Variants in KCNC4 observed in about 807,000 individuals in gnomAD.
KCNC4 encodes voltage-gated potassium channel KCNC4.
Under a neutral mutation model 42.8 loss-of-function variants are expected in KCNC4, and 23 were observed. The ratio of observed to expected loss-of-function variants is 0.54; its 90% CI spans 0.39 to 0.76. KCNC4 has a LOEUF of 0.76. Ranked by LOEUF, KCNC4 falls within the 30% of genes least tolerant of loss-of-function variation. KCNC4 has a pLI of 0.00. For missense variants in KCNC4, 751 were observed against 898.2 expected, an observed-to-expected ratio of 0.84 and a Z score of 2.10; for synonymous variants, 422 against 393.5, an observed-to-expected ratio of 1.07 and a Z score of -0.86.
Position 110,211,601 on chromosome 1 carries a change from G to T in KCNC4, c.102G>T (p.Ala34=). Residue 34 remains alanine (A), a synonymous_variant, in exon 1 of 4, where the codon GCG becomes GCT. Transcript: ENST00000438661. This position sits in a 1 kb window ranked among gnomAD's most constrained non-coding sequence, Gnocchi z 6.5. The stretch of plus-strand genomic sequence containing the variant: ...AGGAGGAGATGGCCAAGGGCGAGGC[G>T]TCGGAGAAGATCATCATCAACGTGG... The part of the protein sequence containing the change: ...CLKEEMAKGE[A]SEKIIINVGG... The T allele has an allele frequency of 6.2e-7, 1 of 1,614,082 alleles. No homozygotes were observed. The highest frequency in any genetic ancestry group is 8.5e-7 in the Non-Finnish European group (1 of 1,179,976).
At position 110,222,974 on chromosome 1, in the gene KCNC4, T is replaced by A; in HGVS notation, c.689T>A (p.Phe230Tyr). Residue 230 changes from phenylalanine (F) to tyrosine (Y), a missense_variant, in exon 2 of 4, where the codon TTT becomes TAT. Coordinates refer to ENST00000438661, the MANE Select transcript of KCNC4 (RefSeq NM_001039574.3). ...CTCCCCTGCCCATAGGTAGTGGCCT[T>A]TGCCTCTCTCTTCTTCATCCTGGTC... ...YSSRAARVVAFASLFFILVSI... is the reference protein window; with the variant it reads ...YSSRAARVVAYASLFFILVSI... The A allele has an allele frequency of 6.2e-7, 1 of 1,613,276 alleles. No individual in the cohort carries two copies. Among genetic ancestry groups the A allele is most frequent in the Non-Finnish European group, 8.5e-7 (1 of 1,179,246 alleles).
intron 1 of KCNC4, among the ~76,000 whole-genome samples, chr1:110,263,574 C>T (rs886263590): frequency 6.6e-6 from 1 of 152,144 alleles, no homozygotes; most frequent in African/African-American, 2.4e-5. Flanking sequence ...ATGTACGCCA[C>T]TCCAAACAGG....
downstream of KCNC4, among the ~76,000 whole-genome samples, chr1:110,254,094 G>C (rs974279085): frequency 3.1e-5 from 4 of 131,040 alleles, no homozygotes; most frequent in Non-Finnish European, 6.8e-5. Context: ...AGAAGTCGGG[G>C]GGGGGGCGGC....
At chr1:110,265,290 T>TTTACAA (rs1367324108) in intron 1 of KCNC4, among the ~76,000 whole-genome samples, 1 of 151,510 alleles carries the variant, frequency 6.6e-6, no homozygotes, top group African/African-American at 2.4e-5. Flanking sequence ...AGTTTACAAG[T>TTTACAA]GGCTGATGAG....
At chr1:110,222,666 A>C (rs894357352) in intron 1 of KCNC4, 4 of 363,900 alleles carry the variant, frequency 1.1e-5, no homozygotes, top group African/African-American at 8.1e-5. Context: ...CAAATGGGTC[A>C]GAGGTGGGCA....
intron 1 of KCNC4, among the ~76,000 whole-genome samples, chr1:110,214,980 G>A (rs929520795): frequency 2.0e-5 from 3 of 152,084 alleles, no homozygotes; most frequent in Admixed American, 6.5e-5. Flanking sequence ...TGTTCCCCCC[G>A]GTATATGTGC....
intron 1 of KCNC4, among the ~76,000 whole-genome samples, chr1:110,261,734 A>T (rs1384737982): frequency 6.6e-6 from 1 of 152,244 alleles, no homozygotes; most frequent in Non-Finnish European, 1.5e-5. Flanking sequence ...TGTTAATTTT[A>T]TAAAAAGAAG....
chr1:110,257,641 A>C (rs1201360065), intron 1 of KCNC4, among the ~76,000 whole-genome samples: 1 of 150,548 alleles, frequency 6.6e-6, no homozygotes, highest in African/African-American at 2.4e-5. Flanking sequence ...GAATGGCGTG[A>C]ACCCAGAAGG....
At position 110,233,723 on chromosome 1, in the gene KCNC4, A is replaced by T. The variant is rs746291678; in HGVS notation, c.*751A>T. 8.5e-5 allele frequency: 13 copies of T among 152,458 alleles called. No homozygotes were observed. Among genetic ancestry groups the T allele is most frequent in the Non-Finnish European group, 1.5e-4 (10 of 68,248 alleles). 9.4% of individuals were successfully genotyped at this position (152,458 alleles called of 1,614,324 possible). A position where few individuals can be genotyped will look rare whatever the true frequency, so the allele number is the denominator to read the frequency against. On this transcript the variant is annotated 3_prime_UTR_variant, in exon 4 of 4. Transcript: ENST00000438661. The stretch of plus-strand genomic sequence containing the variant: ...AGGCAGGGAAAGGATCTGTCTGCCC[A>T]TCTGGCCCAGGGGGTCCGAGAAGGG...
At chr1:110,258,348 C>T (rs1192611980) in intron 1 of KCNC4, among the ~76,000 whole-genome samples, 1 of 152,124 alleles carries the variant, frequency 6.6e-6, no homozygotes, top group African/African-American at 2.4e-5. Context: ...AGCGATTCTC[C>T]TGCCTCCGCC....
intron 1 of KCNC4, among the ~76,000 whole-genome samples, chr1:110,269,645 T>C: frequency 6.6e-6 from 1 of 152,238 alleles, no homozygotes; most frequent in Non-Finnish European, 1.5e-5. Context: ...TTTTCATTTC[T>C]CCTGGTAAAT....
intron 3 of KCNC4, among the ~76,000 whole-genome samples, chr1:110,229,409 C>T (rs1038265796): frequency 1.3e-5 from 2 of 152,280 alleles, no homozygotes; most frequent in Middle Eastern, 3.4e-3. Context: ...CCTCAGGAAG[C>T]CTCTGCCCAG....
chr1:110,265,591 A>C (rs1026600689), intron 1 of KCNC4, among the ~76,000 whole-genome samples: 2 of 152,072 alleles, frequency 1.3e-5, no homozygotes, highest in African/African-American at 4.8e-5. Context: ...CTTGCATTAC[A>C]ACAGTACTTA....
At chr1:110,262,720 C>G (rs959798438) in intron 1 of KCNC4, among the ~76,000 whole-genome samples, 1 of 152,210 alleles carries the variant, frequency 6.6e-6, no homozygotes, top group Non-Finnish European at 1.5e-5. Flanking sequence ...AGCCCTTCCT[C>G]TCCCCTACTA....
Position 110,211,337 on chromosome 1 carries a change from G to A in KCNC4, c.-163G>A, listed in dbSNP as rs1657431618. On this transcript the variant is annotated 5_prime_UTR_variant, in exon 1 of 4. Transcript: ENST00000438661. This position sits in a 1 kb window ranked among gnomAD's most constrained non-coding sequence, Gnocchi z 6.5. ...AGAAATCCAACTCCTCCCGCTCCGC[G>A]TCCTAGGGGGATAGGCAGGGGCAAG... 1.9e-6 allele frequency: 2 copies of A among 1,043,460 alleles called. No individual in the cohort carries two copies. The highest frequency in any genetic ancestry group is 1.7e-5 in the South Asian group (1 of 59,596). 64.6% of individuals were successfully genotyped at this position (1,043,460 alleles called of 1,614,324 possible). A position where few individuals can be genotyped will look rare whatever the true frequency, so the allele number is the denominator to read the frequency against.
At chr1:110,218,341 T>C (rs1657913678) in intron 1 of KCNC4, among the ~76,000 whole-genome samples, 1 of 152,170 alleles carries the variant, frequency 6.6e-6, no homozygotes, top group East Asian at 1.9e-4. Flanking sequence ...ACCTTTGCAC[T>C]ACTCATCCCT....
chr1:110,216,188 C>T (rs533503831), intron 1 of KCNC4, among the ~76,000 whole-genome samples: 43 of 152,306 alleles, frequency 2.8e-4, no homozygotes, highest in African/African-American at 9.1e-4. Flanking sequence ...TTCTCTGGTC[C>T]GGGCATTGCC....
intron 3 of KCNC4, among the ~76,000 whole-genome samples, chr1:110,226,800 A>G (rs1178288901): frequency 2.0e-5 from 3 of 152,208 alleles, no homozygotes; most frequent in Non-Finnish European, 4.4e-5. Flanking sequence ...TGTTCTGAGT[A>G]TTTGGAGAGA....
intron 2 of KCNC4, chr1:110,225,214 C>T (rs1451128311): frequency 6.6e-6 from 1 of 152,292 alleles, no homozygotes; most frequent in East Asian, 1.9e-4. Context: ...CAGCCTTGCC[C>T]TTAGCCTGAC....
Sources: gnomAD v4.1 joint callset for allele counts (sites outside exome capture counted in the v4.1 genomes callset) on GRCh38, gnomAD v4.1.1 for gene constraint, Gnocchi (gnomAD v3.1) non-coding constraint, MANE v1.5 for transcripts, NCBI Gene and HGNC (gene_info 2026-07-23, HGNC 2026-07-21) for gene names.